The following ZFPM1 variants were observed in gnomAD, a reference collection of about 807,000 sequenced individuals.
ZFPM1 encodes the protein zinc finger protein, FOG family member 1.
A neutral mutation model predicts 46.3 loss-of-function variants in ZFPM1; 28 were observed. The observed-to-expected ratio is 0.60, with a 90% confidence interval of 0.45 to 0.83. ZFPM1 has a LOEUF of 0.83. Ranked by LOEUF, ZFPM1 falls within the 40% of genes least tolerant of loss-of-function variation. The pLI, the probability that ZFPM1 is intolerant of heterozygous loss-of-function variation, is 0.00. For synonymous variants in ZFPM1, 957 were observed against 675.9 expected (o/e 1.42, Z -6.45); for missense variants, 1,878 against 1,432.4 (o/e 1.31, Z -5.02).
At chr16:88,483,238 C>T (rs12927916) in intron 1 of ZFPM1, among the ~76,000 whole-genome samples, 1 of 150,934 alleles carries the variant, frequency 6.6e-6, no homozygotes, top group African/African-American at 2.5e-5. Context: ...CCTGCCCCTC[C>T]TGTCCAGGAC....
At chr16:88,521,824 G>A (rs1017219401) in intron 4 of ZFPM1, among the ~76,000 whole-genome samples, 23 of 130,642 alleles carry the variant, frequency 1.8e-4, no homozygotes, top group Non-Finnish European at 2.2e-4. Flanking sequence ...CCCCTGTGCT[G>A]TTCCCTCCCC....
At chr16:88,521,929 C>G (rs1436911344) in intron 4 of ZFPM1, 1 of 153,622 alleles carries the variant, frequency 6.5e-6, no homozygotes, top group East Asian at 1.9e-4. Context: ...CCTCCTCACC[C>G]TCCAGGTCTC....
At chr16:88,493,602 G>T (rs1284194982) in intron 3 of ZFPM1, among the ~76,000 whole-genome samples, 4 of 149,514 alleles carry the variant, frequency 2.7e-5, no homozygotes, top group South Asian at 4.2e-4. Context: ...CCGGGGTAGG[G>T]AGAGCTGTCC....
intron 1 of ZFPM1, among the ~76,000 whole-genome samples, chr16:88,463,513 A>G (rs1188081888): frequency 3.3e-5 from 5 of 152,216 alleles, no homozygotes; most frequent in Non-Finnish European, 7.3e-5. Flanking sequence ...CCTGCCTCGC[A>G]CTAGGCCACC....
intron 1 of ZFPM1, among the ~76,000 whole-genome samples, chr16:88,470,165 C>T (rs1015705353): frequency 1.8e-4 from 28 of 152,216 alleles, no homozygotes; most frequent in Non-Finnish European, 8.8e-5. Context: ...CGTGTAGGAG[C>T]ATCGCCTGTG....
At chr16:88,458,718 A>G (rs185336972) in intron 1 of ZFPM1, among the ~76,000 whole-genome samples, 52 of 152,160 alleles carry the variant, frequency 3.4e-4, no homozygotes, top group Non-Finnish European at 6.5e-4. Context: ...TGGCCACCAT[A>G]CCCGTGGGTA....
intron 1 of ZFPM1, among the ~76,000 whole-genome samples, chr16:88,461,885 C>T (rs1488629360): frequency 6.6e-6 from 1 of 152,206 alleles, no homozygotes; most frequent in Non-Finnish European, 1.5e-5. Flanking sequence ...AACGGAGGCC[C>T]TGGAGGCGTG....
Position 88,485,919 on chromosome 16 carries a change from C to G in ZFPM1, c.41-20C>G, listed in dbSNP as rs1173428088. Reference sequence around the variant, plus strand: ...TCCCCCCAGAGCTCCTCCCGAACCCCCATCGTCTTGTGTCCACAGGTTCCC... The same window carrying G: ...TCCCCCCAGAGCTCCTCCCGAACCCGCATCGTCTTGTGTCCACAGGTTCCC... On this transcript the variant is annotated intron_variant, in intron 1 of 9. Coordinates refer to ENST00000319555, the MANE Select transcript of ZFPM1 (RefSeq NM_153813.3). 3 of 1,611,646 alleles carry G rather than the reference C, an allele frequency of 1.9e-6. No homozygotes were observed. The highest frequency in any genetic ancestry group is 4.5e-5 in the East Asian group (2 of 44,860).
Position 88,535,223 on chromosome 16 carries a change from TC to T in ZFPM1, c.*246del, listed in dbSNP as rs1286420889. On this transcript the variant is annotated 3_prime_UTR_variant, in exon 10 of 10. Transcript: ENST00000319555. ...GCAGGCACACGCAGCCAGTGTCACA[TC>T]CAGCCCTGCTGTGTACACAGGCCAC... The T allele has an allele frequency of 2.7e-6, 1 of 374,850 alleles. No individual in the cohort carries two copies. Among genetic ancestry groups the T allele is most frequent in the African/African-American group, 2.1e-5 (1 of 47,222 alleles). The allele number at this position is 374,850 out of a possible 1,614,324, so 23.2% of individuals were successfully genotyped here. A position where few individuals can be genotyped will look rare whatever the true frequency, so the allele number is the denominator to read the frequency against.
At chr16:88,527,163 G>A (rs906685193) in intron 5 of ZFPM1, among the ~76,000 whole-genome samples, 3 of 152,290 alleles carry the variant, frequency 2.0e-5, no homozygotes, top group African/African-American at 7.2e-5. Flanking sequence ...GTGGCGGGGG[G>A]GTGGGGGAGG....
intron 3 of ZFPM1, among the ~76,000 whole-genome samples, chr16:88,501,582 G>GGGCCATCCCGCA (rs1392116322): frequency 6.3e-4 from 79 of 125,906 alleles, no homozygotes; most frequent in East Asian, 2.0e-3. Flanking sequence ...TAGCGGGTGT[G>GGGCCATCCCGCA]GGTGCATGGG....
intron 4 of ZFPM1, among the ~76,000 whole-genome samples, chr16:88,519,131 TG>T (rs1911603250): frequency 9.5e-6 from 1 of 104,920 alleles, no homozygotes; most frequent in African/African-American, 4.3e-5. Context: ...GATGGATGGG[TG>T]GATGGATGGA....
At chr16:88,487,463 G>A (rs1567534737) in intron 2 of ZFPM1, among the ~76,000 whole-genome samples, 1 of 152,216 alleles carries the variant, frequency 6.6e-6, no homozygotes, top group African/African-American at 2.4e-5. Flanking sequence ...TGGATGCGTG[G>A]GGCTGCCCCT....
At chr16:88,491,250 G>A (rs901968441) in intron 3 of ZFPM1, among the ~76,000 whole-genome samples, 5 of 152,282 alleles carry the variant, frequency 3.3e-5, no homozygotes, top group South Asian at 2.1e-4. Context: ...ATAGGGTAGC[G>A]GGTAGCAGGG....
chr16:88,514,016 G>T (rs1262452985), intron 3 of ZFPM1, among the ~76,000 whole-genome samples: 1 of 152,226 alleles, frequency 6.6e-6, no homozygotes, highest in Non-Finnish European at 1.5e-5. Context: ...ACTGCAGGCT[G>T]ATGTATCTTT....
At chr16:88,495,257 G>T (rs1393842248) in intron 3 of ZFPM1, among the ~76,000 whole-genome samples, 1 of 152,236 alleles carries the variant, frequency 6.6e-6, no homozygotes, top group Non-Finnish European at 1.5e-5. Context: ...AATCGTGTAG[G>T]CTGGGCCACA....
At chr16:88,460,265 A>ATGTGAGCCGT (rs2142338927) in intron 1 of ZFPM1, among the ~76,000 whole-genome samples, 1 of 152,192 alleles carries the variant, frequency 6.6e-6, no homozygotes, top group East Asian at 1.9e-4. Flanking sequence ...GAGGGTCCCC[A>ATGTGAGCCGT]GCCTACTGTT....
chr16:88,474,252 G>A (rs1908570637), intron 1 of ZFPM1, among the ~76,000 whole-genome samples: 1 of 152,196 alleles, frequency 6.6e-6, no homozygotes. Flanking sequence ...GGGGACACGG[G>A]TGGGGGACCA....
At chr16:88,477,367 C>A (rs769817580) in intron 1 of ZFPM1, among the ~76,000 whole-genome samples, 3 of 152,188 alleles carry the variant, frequency 2.0e-5, no homozygotes, top group African/African-American at 7.2e-5. Flanking sequence ...TGGGTCACCG[C>A]GGTGTGTTTC....
Sources: gnomAD v4.1 joint callset for allele counts (sites outside exome capture counted in the v4.1 genomes callset) on GRCh38, gnomAD v4.1.1 for gene constraint, MANE v1.5 for transcripts, NCBI Gene and HGNC (gene_info 2026-07-23, HGNC 2026-07-21) for gene names.